Variants in ASCC3 observed in about 807,000 individuals in gnomAD.
ASCC3 encodes the protein activating signal cointegrator 1 complex subunit 3.
A neutral mutation model predicts 256.3 loss-of-function variants in ASCC3; 158 were observed. That is an observed-to-expected ratio of 0.62 (90% CI 0.54 to 0.70). ASCC3 has a LOEUF of 0.70. ASCC3 is among the 30% of genes least tolerant of loss of function. The probability of loss-of-function intolerance (pLI) is 0.00; values close to 1 mark genes in which losing one functional copy is unlikely to be tolerated. For missense variants in ASCC3, 2,259 were observed against 2,626.0 expected, an observed-to-expected ratio of 0.86 and a Z score of 3.05; for synonymous variants, 948 against 883.4, an observed-to-expected ratio of 1.07 and a Z score of -1.30.
chr6:100,590,099 A>G (rs768144294), intron 34 of ASCC3, 40 bp from the exon 35 acceptor site: 1 of 1,393,080 alleles, frequency 7.2e-7, no homozygotes, highest in Non-Finnish European at 1.0e-6. Context: ...GTTTCAAGAC[A>G]TTTTCTACTA....
At chr6:100,636,320 T>C (rs535210829) in intron 25 of ASCC3, among the ~76,000 whole-genome samples, 240 of 152,298 alleles carry the variant, frequency 1.6e-3, no homozygotes, top group African/African-American at 5.5e-3. Context: ...GGTGATCTTT[T>C]ATGTTATCAT....
intron 25 of ASCC3, among the ~76,000 whole-genome samples, chr6:100,634,635 A>G (rs191993177): frequency 6.6e-6 from 1 of 152,310 alleles, no homozygotes; most frequent in East Asian, 1.9e-4. Context: ...CATTGGATAC[A>G]TGAAAAGGTG....
At chr6:100,782,139 C>T (rs1177253258) in intron 8 of ASCC3, among the ~76,000 whole-genome samples, 1 of 152,084 alleles carries the variant, frequency 6.6e-6, no homozygotes, top group Non-Finnish European at 1.5e-5. Context: ...TAGGGTTCCT[C>T]CTCTACTATA....
At chr6:100,515,396 A>C (rs1222560798) in intron 39 of ASCC3, among the ~76,000 whole-genome samples, 1 of 152,206 alleles carries the variant, frequency 6.6e-6, no homozygotes, top group Admixed American at 6.5e-5. Context: ...TTGGAAAAAA[A>C]AAGACACGGT....
At chr6:100,552,472 C>A (rs978673425) in intron 36 of ASCC3, among the ~76,000 whole-genome samples, 3 of 151,868 alleles carry the variant, frequency 2.0e-5, no homozygotes, top group Non-Finnish European at 2.9e-5. Flanking sequence ...CCAATATGTG[C>A]TTGTAATATA....
At chr6:100,579,184 T>G (rs1456372709) in intron 36 of ASCC3, among the ~76,000 whole-genome samples, 12 of 146,818 alleles carry the variant, frequency 8.2e-5, no homozygotes, top group Admixed American at 6.8e-4. Flanking sequence ...ATGGGGTTGT[T>G]TGTTTTTTTT....
intron 8 of ASCC3, among the ~76,000 whole-genome samples, chr6:100,775,300 T>C (rs1042255318): frequency 1.3e-5 from 2 of 152,094 alleles, no homozygotes; most frequent in Non-Finnish European, 2.9e-5. Flanking sequence ...TAGATTTAAA[T>C]TATGAAAGAA....
intron 37 of ASCC3, among the ~76,000 whole-genome samples, chr6:100,519,039 A>C (rs1774173485): frequency 6.6e-6 from 1 of 152,168 alleles, no homozygotes; most frequent in Non-Finnish European, 1.5e-5. Flanking sequence ...TAAAATGTAC[A>C]AAATCTGTTG....
chr6:100,607,017 A>G lies in ASCC3; in HGVS notation c.4857T>C (p.His1619=). 6.2e-7 allele frequency: 1 copy of G among 1,613,720 alleles called. No homozygotes were observed. Reference sequence around the variant, plus strand: ...GGTCCCTCTCATGTAGTCCAGCATGATGCATTCCTATCCCGAAAGCAAGGG... The same window carrying G: ...GGTCCCTCTCATGTAGTCCAGCATGGTGCATTCCTATCCCGAAAGCAAGGG... ...KLTLAFGIGM[H]HAGLHERDRK... Residue 1619 remains histidine (H), a synonymous_variant, in exon 31 of 42, where the codon CAT becomes CAC. Transcript: ENST00000369162.
chr6:100,835,365 G>T (rs1771824052), intron 4 of ASCC3, among the ~76,000 whole-genome samples: 2 of 152,074 alleles, frequency 1.3e-5, no homozygotes, highest in African/African-American at 4.8e-5. Context: ...TCAATGTCAA[G>T]AAGCATTTCT....
intron 13 of ASCC3, among the ~76,000 whole-genome samples, chr6:100,680,923 G>A (rs537382778): frequency 6.6e-6 from 1 of 152,270 alleles, no homozygotes; most frequent in South Asian, 2.1e-4. Context: ...ATAGGCTCAT[G>A]TGAGCTGACC....
chr6:100,598,392 C>G (rs1370336271), intron 34 of ASCC3, among the ~76,000 whole-genome samples: 2 of 152,180 alleles, frequency 1.3e-5, no homozygotes, highest in Admixed American at 1.3e-4. Context: ...CACTGACTAC[C>G]ACCATGTGTG....
Position 100,606,829 on chromosome 6 carries a change from C to T in ASCC3, c.4955G>A (p.Gly1652Asp), listed in dbSNP as rs749948570. 6.2e-7 allele frequency: 1 copy of T among 1,612,266 alleles called. No homozygotes were observed. The highest frequency in any genetic ancestry group is 8.5e-7 in the Non-Finnish European group (1 of 1,179,146). ...TACTAAATGAGCTGGAAAGTTTACA[C>T]CCCAGGCTAATGTGCTTGTAGCAAT... is the stretch of plus-strand genomic sequence containing the variant. ...VLIATSTLAW[G>D]VNFPAHLVII... Residue 1652 changes from glycine (G) to aspartate (D), a missense_variant, in exon 32 of 42, where the codon GGT (glycine) becomes GAT (aspartate). This residue lies in a region of ASCC3 where 1,839 missense variants were observed against 2,206.7 expected (regional missense o/e 0.83). Transcript: ENST00000369162.
intron 8 of ASCC3, among the ~76,000 whole-genome samples, chr6:100,795,800 A>C (rs1001019709): frequency 1.3e-4 from 20 of 152,204 alleles, no homozygotes; most frequent in Admixed American, 1.2e-3. Context: ...TTATGATCTC[A>C]GTGAAAAACG....
chr6:100,874,783 T>C (rs1466268889), intron 1 of ASCC3, among the ~76,000 whole-genome samples: 3 of 151,976 alleles, frequency 2.0e-5, no homozygotes, highest in Non-Finnish European at 4.4e-5. Flanking sequence ...GGAAGGAGCA[T>C]CTAAAGGGGT....
At chr6:100,790,026 G>A (rs543617056) in intron 8 of ASCC3, among the ~76,000 whole-genome samples, 3 of 151,952 alleles carry the variant, frequency 2.0e-5, no homozygotes, top group South Asian at 2.1e-4. Flanking sequence ...CAGGGTTGAC[G>A]TGATGTGCCA....
At chr6:100,534,873 C>T (rs191364875) in intron 37 of ASCC3, among the ~76,000 whole-genome samples, 5 of 152,202 alleles carry the variant, frequency 3.3e-5, no homozygotes, top group Admixed American at 2.6e-4. Context: ...CATGAGTAGT[C>T]AAGACTACAG....
intron 36 of ASCC3, among the ~76,000 whole-genome samples, chr6:100,549,447 T>C (rs2114681374): frequency 6.6e-6 from 1 of 152,134 alleles, no homozygotes. Context: ...ACCCTGTGTG[T>C]CACCTTGGTT....
At chr6:100,638,893 T>C (rs1486034000) in intron 24 of ASCC3, 72 bp from the exon 25 acceptor site, 30 of 1,217,098 alleles carry the variant, frequency 2.5e-5, no homozygotes, top group Admixed American at 3.4e-5. Context: ...GTATTATAAA[T>C]AATAGATTAT....
Sources: gnomAD v4.1 joint callset for allele counts (sites outside exome capture counted in the v4.1 genomes callset) on GRCh38, gnomAD v4.1.1 for gene constraint, gnomAD v4.1.1 regional missense constraint, MANE v1.5 for transcripts, NCBI Gene and HGNC (gene_info 2026-07-23, HGNC 2026-07-21) for gene names.